SPAG16: variants seen among roughly 807,000 people sequenced by gnomAD.
SPAG16 encodes the protein sperm-associated antigen 16 protein.
Under a neutral mutation model 80.4 loss-of-function variants are expected in SPAG16, and 86 were observed. That is an observed-to-expected ratio of 1.07 (90% CI 0.90 to 1.28). The LOEUF (loss-of-function observed/expected upper bound fraction) is 1.28. Ranked by LOEUF, SPAG16 falls within the 50% of genes most tolerant of loss-of-function variation. The probability of loss-of-function intolerance (pLI) is 0.00; values close to 1 mark genes in which losing one functional copy is unlikely to be tolerated. For synonymous variants in SPAG16, 294 were observed against 265.9 expected (o/e 1.11, Z -1.03); for missense variants, 870 against 765.3 (o/e 1.14, Z -1.61).
At chr2:213,295,082 A>G (rs1237184337) in intron 1 of SPAG16, among the ~76,000 whole-genome samples, 1 of 152,162 alleles carries the variant, frequency 6.6e-6, no homozygotes, top group Non-Finnish European at 1.5e-5. Flanking sequence ...ATGCTTGGTA[A>G]ACAATGCCAG....
chr2:213,778,615 T>C lies in SPAG16; in HGVS notation c.1071-83870T>C, dbSNP rs77059767. ...CCATAAGTCAAGAGCTTACCAACTCTCATACTCTTAGTACACATTTTCTTC... is the reference window on the plus strand; with the variant it reads ...CCATAAGTCAAGAGCTTACCAACTCCCATACTCTTAGTACACATTTTCTTC... On this transcript the variant is annotated intron_variant, in intron 10 of 15. Coordinates refer to ENST00000331683, the MANE Select transcript of SPAG16 (RefSeq NM_024532.5). Among the ~76,000 whole-genome samples, 1,377 of 152,252 alleles carry C rather than the reference T, an allele frequency of 9.0e-3. 19 individuals carry two copies. The highest frequency in any genetic ancestry group is 0.032 in the African/African-American group (1,321 of 41,534).
At chr2:213,988,694 A>C (rs1575745512) in intron 12 of SPAG16, among the ~76,000 whole-genome samples, 1 of 151,444 alleles carries the variant, frequency 6.6e-6, no homozygotes. Flanking sequence ...AAAAAAAAAC[A>C]TTCAAAATAG....
intron 14 of SPAG16, among the ~76,000 whole-genome samples, chr2:214,148,869 A>G (rs1402100173): frequency 6.6e-6 from 1 of 151,906 alleles, no homozygotes; most frequent in Non-Finnish European, 1.5e-5. Context: ...CGTTAACTCC[A>G]AAAATTTAGT....
chr2:214,299,829 A>G (rs1694423898), intron 15 of SPAG16, among the ~76,000 whole-genome samples: 1 of 152,060 alleles, frequency 6.6e-6, no homozygotes, highest in Non-Finnish European at 1.5e-5. Flanking sequence ...AATTGGGTAA[A>G]TTTTTCTCTT....
At chr2:214,201,434 G>C (rs1318818069) in intron 15 of SPAG16, among the ~76,000 whole-genome samples, 3 of 152,092 alleles carry the variant, frequency 2.0e-5, no homozygotes, top group East Asian at 1.9e-4. Context: ...ATGAATTCAG[G>C]CCTCATTAAT....
chr2:213,832,086 C>T (rs936207261), intron 10 of SPAG16, among the ~76,000 whole-genome samples: 4 of 151,920 alleles, frequency 2.6e-5, no homozygotes, highest in Non-Finnish European at 5.9e-5. Flanking sequence ...AACCTCCTTC[C>T]CCCCGGGTTC....
intron 10 of SPAG16, among the ~76,000 whole-genome samples, chr2:213,627,947 T>C (rs892331017): frequency 2.6e-5 from 4 of 152,246 alleles, no homozygotes; most frequent in Admixed American, 1.3e-4. Context: ...GTAGTATTTC[T>C]CTTTCTTTCA....
At chr2:213,935,714 T>C (rs1420113417) in intron 12 of SPAG16, among the ~76,000 whole-genome samples, 1 of 152,214 alleles carries the variant, frequency 6.6e-6, no homozygotes, top group Admixed American at 6.5e-5. Flanking sequence ...CCACATTTAC[T>C]GATAGGAATG....
At chr2:213,334,081 T>G (rs1039444570) in intron 5 of SPAG16, among the ~76,000 whole-genome samples, 2 of 152,142 alleles carry the variant, frequency 1.3e-5, no homozygotes, top group African/African-American at 4.8e-5. Context: ...CTGATAAGAT[T>G]AATAACCAGA....
chr2:213,928,904 TACACACACACAC>T (rs71063798), intron 11 of SPAG16, among the ~76,000 whole-genome samples: 165 of 142,978 alleles, frequency 1.2e-3, no homozygotes, highest in African/African-American at 1.3e-3. Context: ...CAGCTGATGT[TACACACACACAC>T]ACACACACAC....
At chr2:214,277,101 T>C (rs879056855) in intron 15 of SPAG16, among the ~76,000 whole-genome samples, 1 of 152,176 alleles carries the variant, frequency 6.6e-6, no homozygotes, top group African/African-American at 2.4e-5. Context: ...CTTGTGCATG[T>C]GTCACGTAGT....
chr2:214,002,175 C>T (rs1324904863), intron 12 of SPAG16, among the ~76,000 whole-genome samples: 1 of 152,128 alleles, frequency 6.6e-6, no homozygotes, highest in Non-Finnish European at 1.5e-5. Flanking sequence ...TATGGGAACT[C>T]CAATTCAAGA....
At chr2:214,308,500 G>A (rs188582488) in intron 15 of SPAG16, among the ~76,000 whole-genome samples, 1 of 152,262 alleles carries the variant, frequency 6.6e-6, no homozygotes, top group Non-Finnish European at 1.5e-5. Flanking sequence ...GTGTACTTAA[G>A]TGTGTATTTG....
chr2:213,725,985 T>A (rs2066752506), intron 10 of SPAG16, among the ~76,000 whole-genome samples: 1 of 152,178 alleles, frequency 6.6e-6, no homozygotes, highest in Admixed American at 6.5e-5. Context: ...GAGAGATCTC[T>A]TTTTCGGCAT....
rs780809875 is a variant in SPAG16 at position 213,364,126 on chromosome 2, CCATGGT to C, written c.815_820del (p.His272_Gly273del). 3 of 1,519,762 alleles carry C rather than the reference CCATGGT, an allele frequency of 2.0e-6. No homozygotes were observed. Among genetic ancestry groups the C allele is most frequent in the Non-Finnish European group, 2.6e-6 (3 of 1,136,088 alleles). 94.1% of individuals were successfully genotyped at this position (1,519,762 alleles called of 1,614,324 possible). ...AGAAACTGCAAAGAGGACATAGTTACCATGGTCCTCAAATTAAAGGTAAATGTAAAA... is the reference window on the plus strand; with the variant it reads ...AGAAACTGCAAAGAGGACATAGTTACCCTCAAATTAAAGGTAAATGTAAAA... On this transcript the variant is annotated inframe_deletion, in exon 8 of 16. Coordinates refer to ENST00000331683, the MANE Select transcript of SPAG16 (RefSeq NM_024532.5).
intron 11 of SPAG16, among the ~76,000 whole-genome samples, chr2:213,863,423 T>C (rs1215120486): frequency 6.6e-6 from 1 of 152,142 alleles, no homozygotes; most frequent in Non-Finnish European, 1.5e-5. Context: ...AGTTTTTATT[T>C]TATCTTTGCT....
At chr2:214,021,871 A>C (rs2047885486) in intron 13 of SPAG16, among the ~76,000 whole-genome samples, 1 of 152,146 alleles carries the variant, frequency 6.6e-6, no homozygotes, top group Non-Finnish European at 1.5e-5. Context: ...TAACCGTGTG[A>C]AGTTAACAAA....
chr2:214,162,559 A>G (rs772762903), intron 15 of SPAG16, among the ~76,000 whole-genome samples: 1 of 152,196 alleles, frequency 6.6e-6, no homozygotes, highest in Non-Finnish European at 1.5e-5. Context: ...TAACACCACC[A>G]ACTCTACTAT....
intron 15 of SPAG16, among the ~76,000 whole-genome samples, chr2:214,230,405 T>A (rs1226352143): frequency 2.0e-5 from 3 of 151,942 alleles, no homozygotes; most frequent in African/African-American, 4.8e-5. Flanking sequence ...TAGCTGCAGC[T>A]CTGGCTGTGC....
Sources: gnomAD v4.1 joint callset for allele counts (sites outside exome capture counted in the v4.1 genomes callset) on GRCh38, gnomAD v4.1.1 for gene constraint, MANE v1.5 for transcripts, NCBI Gene and HGNC (gene_info 2026-07-23, HGNC 2026-07-21) for gene names.